RNF125: variants seen among roughly 807,000 people sequenced by gnomAD.
RNF125 encodes ring finger protein 125, also known as E3 ubiquitin-protein ligase RNF125.
In RNF125, 21 loss-of-function variants were observed where a neutral mutation model predicts 26.0. The ratio of observed to expected loss-of-function variants is 0.81; its 90% CI spans 0.57 to 1.16. The LOEUF (loss-of-function observed/expected upper bound fraction) is 1.16, where lower values mean the gene tolerates loss of function less well. Ranked by LOEUF, RNF125 falls within the 50% of genes most tolerant of loss-of-function variation. RNF125 has a pLI of 0.00. For missense variants in RNF125, 270 were observed against 299.4 expected, an observed-to-expected ratio of 0.90 and a Z score of 0.72; for synonymous variants, 95 against 109.2, an observed-to-expected ratio of 0.87 and a Z score of 0.81.
At chr18:32,046,512 G>A (rs2039273156) in intron 4 of RNF125, among the ~76,000 whole-genome samples, 1 of 150,632 alleles carries the variant, frequency 6.6e-6, no homozygotes, top group African/African-American at 2.4e-5. Context: ...CAGGAGAATG[G>A]TGTGAACCCG....
At chr18:32,038,046 T>TA (rs2039178258) in intron 2 of RNF125, among the ~76,000 whole-genome samples, 1 of 139,372 alleles carries the variant, frequency 7.2e-6, no homozygotes, top group African/African-American at 2.9e-5. Context: ...CCGTGCCATT[T>TA]TTTTTTTTTT....
intron 4 of RNF125, among the ~76,000 whole-genome samples, chr18:32,064,672 A>G (rs2039468269): frequency 6.6e-6 from 1 of 151,946 alleles, no homozygotes; most frequent in African/African-American, 2.4e-5. Context: ...GCAGGTGTGC[A>G]CCACCACGTC....
At chr18:32,064,432 G>T (rs1392212156) in intron 4 of RNF125, among the ~76,000 whole-genome samples, 2 of 127,324 alleles carry the variant, frequency 1.6e-5, no homozygotes, top group Non-Finnish European at 3.2e-5. Flanking sequence ...GACAGAGCTG[G>T]TGCCTCGGCT....
chr18:32,035,061 G>A (rs1201420836), intron 1 of RNF125, among the ~76,000 whole-genome samples: 4 of 152,122 alleles, frequency 2.6e-5, no homozygotes, highest in African/African-American at 9.7e-5. Flanking sequence ...AACTTCCAGA[G>A]ACATGGTCTA....
At chr18:32,066,119 A>G in intron 5 of RNF125, 110 bp downstream of exon 5, 2 of 663,114 alleles carry the variant, frequency 3.0e-6, no homozygotes, top group South Asian at 1.8e-5. Flanking sequence ...ATATAGCTAT[A>G]GTGTTGAGTA....
At chr18:32,047,293 C>T (rs1334215130) in intron 4 of RNF125, among the ~76,000 whole-genome samples, 1 of 152,206 alleles carries the variant, frequency 6.6e-6, no homozygotes, top group Non-Finnish European at 1.5e-5. Context: ...CCACGTCGGC[C>T]TCCCAAAGGC....
chr18:32,020,028 G>GTGTGTT (rs1390928108), intron 1 of RNF125, among the ~76,000 whole-genome samples: 5 of 147,340 alleles, frequency 3.4e-5, no homozygotes, highest in African/African-American at 1.2e-4. Flanking sequence ...GTGTGTGTGT[G>GTGTGTT]TGTGTTTGAG....
chr18:32,090,394 TC>T, the RNF125 span, among the ~76,000 whole-genome samples: 1 of 152,238 alleles, frequency 6.6e-6, no homozygotes, highest in Non-Finnish European at 1.5e-5. Flanking sequence ...TTCCAGGAAA[TC>T]TGAAGCTAGT....
chr18:32,088,024 T>G, the RNF125 span, among the ~76,000 whole-genome samples: 7 of 152,212 alleles, frequency 4.6e-5, no homozygotes, highest in Non-Finnish European at 7.3e-5. Context: ...ATTTTTGGCT[T>G]CTTCTGCATT....
rs1377611115 is a variant in RNF125 at position 32,070,415 on chromosome 18, C to T, written c.*2031C>T. On this transcript the variant is annotated 3_prime_UTR_variant, in exon 6 of 6. Transcript: ENST00000217740. ...CTCAAACTCCTTACCTTGTGATCCG[C>T]CCACCTCAGCCTTCCAAAGTGCTGG... is the stretch of plus-strand genomic sequence containing the variant. The T allele has an allele frequency of 6.6e-6, 1 of 152,252 alleles. No individual in the cohort carries two copies. Among genetic ancestry groups the T allele is most frequent in the African/African-American group, 2.4e-5 (1 of 41,452 alleles). 9.4% of individuals were successfully genotyped at this position (152,252 alleles called of 1,614,324 possible).
At chr18:32,023,056 C>A (rs2039000136) in intron 1 of RNF125, among the ~76,000 whole-genome samples, 1 of 152,100 alleles carries the variant, frequency 6.6e-6, no homozygotes, top group African/African-American at 2.4e-5. Flanking sequence ...AATCATGGCT[C>A]ACTGCAGCCT....
intron 1 of RNF125, among the ~76,000 whole-genome samples, chr18:32,023,500 G>A (rs1456775428): frequency 1.3e-5 from 2 of 152,124 alleles, no homozygotes; most frequent in East Asian, 1.9e-4. Context: ...ATTTTGTAAG[G>A]GAACCATATA....
At chr18:32,087,392 T>C in the RNF125 span, among the ~76,000 whole-genome samples, 1 of 151,884 alleles carries the variant, frequency 6.6e-6, no homozygotes, top group Non-Finnish European at 1.5e-5. Context: ...TCGGAAGTTC[T>C]GGAGGCCCGG....
In RNF125 at chr18:32,068,675, T is replaced by C. The variant is rs2039506611; in HGVS notation, c.*291T>C. 3.3e-6 allele frequency: 1 copy of C among 300,428 alleles called. No individual in the cohort carries two copies. Among genetic ancestry groups the C allele is most frequent in the Admixed American group, 4.8e-5 (1 of 20,822 alleles). The allele number at this position is 300,428 out of a possible 1,614,324, so 18.6% of individuals were successfully genotyped here. ...AGGCAAGTAGGTGGAGGATCTCGGTTTGCAAATTAGATAATACTCTGTGTA... is the reference window on the plus strand; with the variant it reads ...AGGCAAGTAGGTGGAGGATCTCGGTCTGCAAATTAGATAATACTCTGTGTA... On this transcript the variant is annotated 3_prime_UTR_variant, in exon 6 of 6. Transcript: ENST00000217740.
At chr18:32,036,612 AGGAGGGAGGGGAGAGGGGAG>A (rs1249237948) in intron 1 of RNF125, among the ~76,000 whole-genome samples, 6 of 84,160 alleles carry the variant, frequency 7.1e-5, no homozygotes, top group East Asian at 8.6e-4. Context: ...GAGGGAGGGA[AGGAGGGAGGGGAGAGGGGAG>A]GGAGGGAGGG....
At chr18:32,025,119 T>G (rs934539646) in intron 1 of RNF125, among the ~76,000 whole-genome samples, 1 of 152,080 alleles carries the variant, frequency 6.6e-6, no homozygotes, top group Non-Finnish European at 1.5e-5. Context: ...ATTACTAAAG[T>G]CATATGAACT....
chr18:32,025,330 G>A (rs1451793910), intron 1 of RNF125, among the ~76,000 whole-genome samples: 1 of 151,272 alleles, frequency 6.6e-6, no homozygotes, highest in African/African-American at 2.4e-5. Flanking sequence ...ATGAGAGGAT[G>A]GACCCTGCCC....
At position 32,068,635 on chromosome 18, in the gene RNF125, GAA is replaced by G; in HGVS notation, c.*254_*255del. On this transcript the variant is annotated 3_prime_UTR_variant, in exon 6 of 6. Transcript: ENST00000217740. ...TATCTACATCAGTCATTGTTACATG[GAA>G]AAGACAGGTGGTAGGCAAGTAGGTG... The G allele has an allele frequency of 2.8e-6, 1 of 354,334 alleles. No individual in the cohort carries two copies. 21.9% of individuals were successfully genotyped at this position (354,334 alleles called of 1,614,324 possible).
intron 4 of RNF125, among the ~76,000 whole-genome samples, chr18:32,053,286 C>T (rs538679649): frequency 7.9e-5 from 12 of 152,088 alleles, no homozygotes; most frequent in South Asian, 6.2e-4. Flanking sequence ...CGCTTGAACC[C>T]GGGAGGTGGA....
Sources: allele counts gnomAD v4.1 joint callset (sites outside exome capture counted in the v4.1 genomes callset), GRCh38; gene constraint gnomAD v4.1.1; transcripts MANE v1.5; gene names NCBI Gene and HGNC (gene_info 2026-07-23, HGNC 2026-07-21).